PLXDC1: variants seen among roughly 807,000 people sequenced by gnomAD.
PLXDC1 encodes the protein plexin domain-containing protein 1.
A neutral mutation model predicts 61.3 loss-of-function variants in PLXDC1; 39 were observed. That is an observed-to-expected ratio of 0.64 (90% CI 0.49 to 0.83). The LOEUF is 0.83. PLXDC1 is among the 40% of genes least tolerant of loss of function. PLXDC1 has a pLI of 0.00. For missense variants in PLXDC1, 596 were observed against 666.5 expected, an observed-to-expected ratio of 0.89 and a Z score of 1.17; for synonymous variants, 212 against 254.5, an observed-to-expected ratio of 0.83 and a Z score of 1.59.
At chr17:39,111,917 C>T (rs1359608367) in intron 2 of PLXDC1, 1 of 152,256 alleles carries the variant, frequency 6.6e-6, no homozygotes, top group Non-Finnish European at 1.5e-5. Context: ...GCACTGAAGC[C>T]ACTGCTTCTG....
intron 13 of PLXDC1, 43 bp downstream of exon 13, chr17:39,069,813 C>G (rs200963450): frequency 6.4e-7 from 1 of 1,557,652 alleles, no homozygotes; most frequent in Non-Finnish European, 8.8e-7. Context: ...GAGACGCCGA[C>G]GCAGAAGCAG....
At chr17:39,096,688 C>T (rs1406500475) in intron 7 of PLXDC1, among the ~76,000 whole-genome samples, 1 of 152,236 alleles carries the variant, frequency 6.6e-6, no homozygotes, top group Admixed American at 6.5e-5. Context: ...GGGCAGGCTA[C>T]ATTCTGGAGC....
intron 11 of PLXDC1, among the ~76,000 whole-genome samples, chr17:39,077,427 G>T (rs2143324116): frequency 6.6e-6 from 1 of 152,282 alleles, no homozygotes; most frequent in East Asian, 1.9e-4. Flanking sequence ...GACAGCTGAG[G>T]TGGAATTCCC....
At chr17:39,084,760 G>A (rs971807614) in intron 8 of PLXDC1, among the ~76,000 whole-genome samples, 6 of 152,216 alleles carry the variant, frequency 3.9e-5, no homozygotes, top group Non-Finnish European at 8.8e-5. Flanking sequence ...GAGATTAGTG[G>A]GACCAGGTTG....
chr17:39,098,617 G>A lies in PLXDC1; in HGVS notation c.811+7237C>T, dbSNP rs140337919. 7.6e-3 allele frequency among the ~76,000 whole-genome samples: 1,150 copies of A among 150,942 alleles called. 16 individuals carry two copies. The highest frequency in any genetic ancestry group is 0.026 in the African/African-American group (1,095 of 41,478). On this transcript the variant is annotated intron_variant, in intron 7 of 13. Coordinates refer to ENST00000315392, the MANE Select transcript of PLXDC1 (RefSeq NM_020405.5). ...GTTCTCGCCACCACTAGAAAGAAAA[G>A]AAGAAGAAGAAAAAAGTATCAGCGA...
chr17:39,094,744 T>C (rs1324035886), intron 7 of PLXDC1, among the ~76,000 whole-genome samples: 1 of 152,174 alleles, frequency 6.6e-6, no homozygotes, highest in African/African-American at 2.4e-5. Context: ...CCTCAGCAAC[T>C]TATAACGTCA....
At chr17:39,128,089 CTCTA>C (rs1567769461) in intron 2 of PLXDC1, among the ~76,000 whole-genome samples, 8 of 68,798 alleles carry the variant, frequency 1.2e-4, no homozygotes, top group East Asian at 5.3e-4. Flanking sequence ...CTCTCTCTCT[CTCTA>C]TGTGTATATA....
chr17:39,144,103 G>C (rs115123971), intron 1 of PLXDC1, among the ~76,000 whole-genome samples: 1,689 of 152,258 alleles, frequency 0.011, 32 homozygotes, highest in African/African-American at 0.038. Context: ...GACAGGAGGC[G>C]GGATGGTGGA....
At chr17:39,129,846 G>A (rs1911503909) in intron 2 of PLXDC1, among the ~76,000 whole-genome samples, 2 of 152,044 alleles carry the variant, frequency 1.3e-5, no homozygotes, top group African/African-American at 4.8e-5. Context: ...GTTCACAGCA[G>A]CACTATTCAC....
intron 1 of PLXDC1, among the ~76,000 whole-genome samples, chr17:39,150,555 A>C (rs1032294049): frequency 1.2e-4 from 18 of 152,126 alleles, no homozygotes; most frequent in Admixed American, 1.1e-3. Flanking sequence ...AGAGACTATG[A>C]AAATTATACC....
At chr17:39,088,975 GAA>G (rs34514199) in intron 7 of PLXDC1, among the ~76,000 whole-genome samples, 46 of 122,568 alleles carry the variant, frequency 3.8e-4, no homozygotes, top group African/African-American at 1.3e-3. Flanking sequence ...GAGAGAGAGA[GAA>G]AAAGAAAGAA....
intron 11 of PLXDC1, among the ~76,000 whole-genome samples, chr17:39,075,301 C>T (rs1264664333): frequency 6.6e-6 from 1 of 152,238 alleles, no homozygotes; most frequent in Non-Finnish European, 1.5e-5. Context: ...CCACCACGTG[C>T]TCTGCTCTCA....
chr17:39,129,973 ATAT>A (rs1245383764), intron 2 of PLXDC1, among the ~76,000 whole-genome samples: 1 of 152,226 alleles, frequency 6.6e-6, no homozygotes, highest in Non-Finnish European at 1.5e-5. Context: ...AACCTTGAAA[ATAT>A]TATGCTAAGT....
At chr17:39,109,207 T>C in intron 3 of PLXDC1, 41 bp downstream of exon 3, 1 of 1,583,938 alleles carries the variant, frequency 6.3e-7, no homozygotes. Context: ...GCCCCCGGCC[T>C]CCCAGCACAG....
chr17:39,102,744 A>T (rs72821602), intron 7 of PLXDC1, among the ~76,000 whole-genome samples: 14,639 of 92,372 alleles, frequency 0.16, 837 homozygotes, highest in Middle Eastern at 0.23. Context: ...ACACACACTC[A>T]CTCACCTGAA....
At chr17:39,118,915 A>T (rs1911074979) in intron 2 of PLXDC1, among the ~76,000 whole-genome samples, 1 of 152,238 alleles carries the variant, frequency 6.6e-6, no homozygotes, top group Non-Finnish European at 1.5e-5. Flanking sequence ...CAAGATGAAC[A>T]GAGTCTGTGA....
chr17:39,140,849 A>G (rs1911914709), intron 1 of PLXDC1, among the ~76,000 whole-genome samples: 1 of 152,110 alleles, frequency 6.6e-6, no homozygotes, highest in African/African-American at 2.4e-5. Flanking sequence ...CAATTTTTTT[A>G]TTGTGGCAAA....
At chr17:39,087,559 G>C (rs754592643) in intron 8 of PLXDC1, 48 bp downstream of exon 8, 24 of 1,426,832 alleles carry the variant, frequency 1.7e-5, no homozygotes, top group East Asian at 4.5e-5. Context: ...AAGCCAGTCT[G>C]CTTGACTCCA....
intron 1 of PLXDC1, among the ~76,000 whole-genome samples, chr17:39,141,376 C>A (rs499862): frequency 0.23 from 34,616 of 152,104 alleles, 5,501 homozygotes; most frequent in African/African-American, 0.46. Context: ...ATATAAATGG[C>A]ATCATACTAT....
Sources: gnomAD v4.1 joint callset for allele counts (sites outside exome capture counted in the v4.1 genomes callset) on GRCh38, gnomAD v4.1.1 for gene constraint, MANE v1.5 for transcripts, NCBI Gene and HGNC (gene_info 2026-07-23, HGNC 2026-07-21) for gene names.